The following TMEM200A variants were observed in gnomAD, a reference collection of about 807,000 sequenced individuals.
TMEM200A encodes transmembrane protein 200A.
TMEM200A carries 12 observed loss-of-function variants against 24.3 expected under a neutral mutation model. The observed-to-expected ratio is 0.49, with a 90% CI of 0.32 to 0.80. The LOEUF is 0.80. Ranked by LOEUF, TMEM200A falls within the 30% of genes least tolerant of loss-of-function variation. The pLI, the probability that TMEM200A is intolerant of heterozygous loss-of-function variation, is 0.04. For synonymous variants in TMEM200A, 224 were observed against 224.4 expected, an observed-to-expected ratio of 1.00 and a Z score of 0.02; for missense variants, 545 against 614.4, an observed-to-expected ratio of 0.89 and a Z score of 1.19.
At chr6:130,410,976 C>G (rs1007496690) in intron 2 of TMEM200A, among the ~76,000 whole-genome samples, 15 of 152,258 alleles carry the variant, frequency 9.9e-5, no homozygotes, top group South Asian at 8.3e-4. Flanking sequence ...TGAGACCAGC[C>G]AGGTCAACAT....
chr6:130,417,604 CA>C (rs981311441), intron 2 of TMEM200A, among the ~76,000 whole-genome samples: 7 of 152,028 alleles, frequency 4.6e-5, no homozygotes, highest in Admixed American at 1.3e-4. Context: ...ACATATCTAA[CA>C]AACAACTCTT....
intron 1 of TMEM200A, among the ~76,000 whole-genome samples, chr6:130,381,268 T>G (rs1778589290): frequency 6.6e-6 from 1 of 152,236 alleles, no homozygotes; most frequent in Non-Finnish European, 1.5e-5. Flanking sequence ...CATCTGTGTC[T>G]GTCAGTTATG....
intron 2 of TMEM200A, among the ~76,000 whole-genome samples, chr6:130,387,236 T>C (rs1426751403): frequency 6.6e-6 from 1 of 152,186 alleles, no homozygotes; most frequent in Non-Finnish European, 1.5e-5. Flanking sequence ...TATAATTTCT[T>C]TGTAGCAGAA....
intron 2 of TMEM200A, among the ~76,000 whole-genome samples, chr6:130,403,953 C>G (rs1779147774): frequency 6.6e-6 from 1 of 152,102 alleles, no homozygotes; most frequent in Non-Finnish European, 1.5e-5. Context: ...TGTTAGTTTG[C>G]TGAGGATAAT....
chr6:130,414,431 CAAAA>C (rs11317905), intron 2 of TMEM200A, among the ~76,000 whole-genome samples: 1 of 57,892 alleles, frequency 1.7e-5, no homozygotes, highest in Admixed American at 1.8e-4. Context: ...GACTCCATCT[CAAAA>C]AAAAAAAAAA....
At chr6:130,376,351 A>C (rs147609735) in intron 1 of TMEM200A, among the ~76,000 whole-genome samples, 2,474 of 152,172 alleles carry the variant, frequency 0.016, 65 homozygotes, top group African/African-American at 0.053. Context: ...GCTCACTGCA[A>C]CCTCTGCCTC....
intron 1 of TMEM200A, among the ~76,000 whole-genome samples, chr6:130,380,968 C>A (rs1407656437): frequency 1.3e-5 from 2 of 152,164 alleles, no homozygotes; most frequent in African/African-American, 4.8e-5. Context: ...GCCTGGGAAA[C>A]AGAGTGAGAC....
At chr6:130,416,337 C>CTCTGTG (rs1554283337) in intron 2 of TMEM200A, among the ~76,000 whole-genome samples, 1 of 149,044 alleles carries the variant, frequency 6.7e-6, no homozygotes, top group Non-Finnish European at 1.5e-5. Context: ...GTCTCTCTCT[C>CTCTGTG]TGTGTGTGTG....
chr6:130,384,948 G>C (rs1033760164), intron 1 of TMEM200A, among the ~76,000 whole-genome samples: 1 of 152,040 alleles, frequency 6.6e-6, no homozygotes. Context: ...TTATCTTTTT[G>C]CAAATGGATT....
intron 2 of TMEM200A, among the ~76,000 whole-genome samples, chr6:130,416,747 G>A (rs535691395): frequency 2.0e-5 from 3 of 152,102 alleles, no homozygotes; most frequent in Admixed American, 6.5e-5. Context: ...ATGCAAATCT[G>A]ATCCTCTTCT....
chr6:130,441,563 C>G lies in TMEM200A; in HGVS notation c.1141C>G (p.Gln381Glu). ...CTTGTCTCCTGGGGCTGCCAGAAGA[C>G]AGTTTGGGTCCAATACATCCTTGCA... ...QLLSPGAARR[Q>E]FGSNTSLHLL... Residue 381 changes from glutamine (Q) to glutamate (E), a missense_variant, in exon 3 of 3, where the codon CAG becomes GAG. Coordinates refer to ENST00000296978, the MANE Select transcript of TMEM200A (RefSeq NM_001258277.2). 6.2e-7 allele frequency: 1 copy of G among 1,614,080 alleles called. No individual in the cohort carries two copies. Among genetic ancestry groups the G allele is most frequent in the East Asian group, 2.2e-5 (1 of 44,842 alleles).
intron 2 of TMEM200A, among the ~76,000 whole-genome samples, chr6:130,386,735 A>G (rs62432232): frequency 0.036 from 5,553 of 152,322 alleles, 132 homozygotes; most frequent in Non-Finnish European, 0.054. Flanking sequence ...AAAACCCCCA[A>G]GAAATTGTAA....
At chr6:130,436,630 CCTTTTTTTTT>C (rs1403686605) in intron 2 of TMEM200A, among the ~76,000 whole-genome samples, 845 of 66,766 alleles carry the variant, frequency 0.013, 64 homozygotes, top group Middle Eastern at 0.039. Flanking sequence ...TTTTCTTTAT[CCTTTTTTTTT>C]TTTTTTTTTT....
At chr6:130,365,803 G>T, upstream of TMEM200A, 3 of 985,462 alleles carry the variant, frequency 3.0e-6, no homozygotes, top group Non-Finnish European at 3.6e-6. Context: ...GACGCGGATC[G>T]GCCGGCCTGG....
chr6:130,411,832 T>C (rs909357638), intron 2 of TMEM200A, among the ~76,000 whole-genome samples: 2 of 152,236 alleles, frequency 1.3e-5, no homozygotes, highest in Non-Finnish European at 2.9e-5. Context: ...TAGGCATGCC[T>C]GCCACTGTAA....
chr6:130,371,935 G>A (rs913170575), intron 1 of TMEM200A, among the ~76,000 whole-genome samples: 15 of 152,336 alleles, frequency 9.8e-5, no homozygotes, highest in Admixed American at 4.6e-4. Context: ...AGGAGCTAAC[G>A]TTTGTAAGGC....
chr6:130,410,624 T>C (rs1017409245), intron 2 of TMEM200A, among the ~76,000 whole-genome samples: 1 of 152,234 alleles, frequency 6.6e-6, no homozygotes, highest in Non-Finnish European at 1.5e-5. Context: ...ATTGCTCCTG[T>C]TGAGTGTGGC....
At chr6:130,386,966 T>C (rs1409737907) in intron 2 of TMEM200A, among the ~76,000 whole-genome samples, 1 of 152,196 alleles carries the variant, frequency 6.6e-6, no homozygotes, top group East Asian at 1.9e-4. Flanking sequence ...CCAGTTATGG[T>C]GGAGGCAGTC....
chr6:130,439,925 T>A lies in TMEM200A; in HGVS notation c.-16-482T>A, dbSNP rs111725578. On this transcript the variant is annotated intron_variant, in intron 2 of 2. Transcript: ENST00000296978. ...AACCATGAATTGCTGGAATGTATCC[T>A]CTTTGTCAGTCTGGAGTGTTTGTTT... Among the ~76,000 whole-genome samples the A allele has an allele frequency of 2.8e-3, 428 of 152,292 alleles. 5 individuals are homozygous for A. The highest frequency in any genetic ancestry group is 9.8e-3 in the African/African-American group (406 of 41,546).
Sources: gnomAD v4.1 joint callset for allele counts (sites outside exome capture counted in the v4.1 genomes callset) on GRCh38, gnomAD v4.1.1 for gene constraint, MANE v1.5 for transcripts, NCBI Gene and HGNC (gene_info 2026-07-23, HGNC 2026-07-21) for gene names.